Variants in RALGPS1 observed in about 807,000 individuals in gnomAD.
RALGPS1 encodes the protein ras-specific guanine nucleotide-releasing factor RalGPS1.
RALGPS1 carries 19 observed loss-of-function variants against 78.8 expected under a neutral mutation model. That is an observed-to-expected ratio of 0.24 (90% CI 0.17 to 0.35). RALGPS1 has a LOEUF of 0.35. Among genes scored for constraint, RALGPS1 ranks in the 10% least tolerant of loss-of-function variants. RALGPS1 has a pLI of 1.00. For missense variants in RALGPS1, 454 were observed against 688.3 expected, an observed-to-expected ratio of 0.66 and a Z score of 3.81; for synonymous variants, 228 against 256.3, an observed-to-expected ratio of 0.89 and a Z score of 1.06.
At chr9:127,029,799 T>G (rs923598813) in intron 4 of RALGPS1, among the ~76,000 whole-genome samples, 1 of 152,150 alleles carries the variant, frequency 6.6e-6, no homozygotes, top group African/African-American at 2.4e-5. Context: ...CCAGACACGG[T>G]CAGGGTTGGG....
chr9:127,206,862 T>G (rs1264280451), intron 14 of RALGPS1, among the ~76,000 whole-genome samples: 1 of 152,130 alleles, frequency 6.6e-6, no homozygotes, highest in African/African-American at 2.4e-5. Flanking sequence ...TGAATTCTCA[T>G]GATGCTGTTG....
rs1220500574 is a variant in RALGPS1, at chr9:127,223,150, ATG to A, written c.*4385_*4386del. ...ACATCTTTGTTTACTTTGAAATTAA[ATG>A]TGTTTTCCAATGAATGTTGCTCAGT... On this transcript the variant is annotated 3_prime_UTR_variant, in exon 19 of 19. Coordinates refer to ENST00000259351, the MANE Select transcript of RALGPS1 (RefSeq NM_014636.3). 1.3e-5 allele frequency: 2 copies of A among 152,686 alleles called. No individual in the cohort carries two copies. The highest frequency in any genetic ancestry group is 2.1e-4 in the South Asian group (1 of 4,834). 9.5% of individuals were successfully genotyped at this position (152,686 alleles called of 1,614,324 possible). A position where few individuals can be genotyped will look rare whatever the true frequency, so the allele number is the denominator to read the frequency against.
At chr9:127,157,896 T>C (rs996640787) in intron 8 of RALGPS1, among the ~76,000 whole-genome samples, 20 of 152,190 alleles carry the variant, frequency 1.3e-4, no homozygotes, top group African/African-American at 4.3e-4. Flanking sequence ...GATTTGTTCC[T>C]ATTTAATAGG....
chr9:126,915,317 A>T, intron 1 of RALGPS1: 1 of 42,610 alleles, frequency 2.3e-5, no homozygotes, highest in South Asian at 8.5e-4. Flanking sequence ...CCGCGGCTGC[A>T]GGTGCGGGGG....
At chr9:127,184,299 G>A in intron 11 of RALGPS1, 1 of 391,400 alleles carries the variant, frequency 2.6e-6, no homozygotes, top group Non-Finnish European at 4.8e-6. Context: ...CAGCTTGGGT[G>A]ACAGAGCAAG....
chr9:127,209,530 C>A (rs1306337584), intron 14 of RALGPS1, among the ~76,000 whole-genome samples: 1 of 152,190 alleles, frequency 6.6e-6, no homozygotes, highest in Non-Finnish European at 1.5e-5. Context: ...CCTATTACCA[C>A]CCTGACACCC....
intron 5 of RALGPS1, among the ~76,000 whole-genome samples, chr9:127,048,439 C>A (rs549196187): frequency 1.3e-5 from 2 of 152,276 alleles, no homozygotes; most frequent in Admixed American, 6.5e-5. Flanking sequence ...TCTAATACAG[C>A]GATTCCTTAA....
chr9:127,191,998 C>T (rs1359744810), intron 11 of RALGPS1, among the ~76,000 whole-genome samples: 1 of 152,168 alleles, frequency 6.6e-6, no homozygotes, highest in Admixed American at 6.5e-5. Context: ...CGCCCGGCCT[C>T]CACTGGGATT....
intron 7 of RALGPS1, among the ~76,000 whole-genome samples, chr9:127,054,870 C>G (rs2048579795): frequency 6.6e-6 from 1 of 152,072 alleles, no homozygotes; most frequent in Admixed American, 6.6e-5. Context: ...CACAGCTACG[C>G]AGGAGACTGA....
intron 1 of RALGPS1, among the ~76,000 whole-genome samples, chr9:126,958,142 A>AAATAAATATATATATAT (rs113413659): frequency 1.3e-5 from 1 of 77,084 alleles, no homozygotes; most frequent in African/African-American, 4.1e-5. Context: ...AAAAAAAAAA[A>AAATAAATATATATATAT]ATATATATAT....
chr9:127,198,292 A>G (rs956832300), intron 13 of RALGPS1, among the ~76,000 whole-genome samples: 5 of 152,040 alleles, frequency 3.3e-5, no homozygotes, highest in African/African-American at 9.7e-5. Context: ...CCCCTTTCCC[A>G]GTGCTCAGCC....
chr9:127,015,260 T>A (rs1374597727), intron 4 of RALGPS1, among the ~76,000 whole-genome samples: 2 of 152,224 alleles, frequency 1.3e-5, no homozygotes, highest in Non-Finnish European at 2.9e-5. Flanking sequence ...GTCACTTATT[T>A]GTTACATTGA....
intron 4 of RALGPS1, among the ~76,000 whole-genome samples, chr9:126,986,570 T>C (rs756066348): frequency 6.6e-6 from 1 of 152,228 alleles, no homozygotes; most frequent in Non-Finnish European, 1.5e-5. Flanking sequence ...TCTGTCAGTA[T>C]GTCCAGTTCC....
chr9:127,193,042 A>G (rs943068168), intron 11 of RALGPS1, among the ~76,000 whole-genome samples: 2 of 152,212 alleles, frequency 1.3e-5, no homozygotes, highest in Non-Finnish European at 2.9e-5. Flanking sequence ...TTGCTGGGAA[A>G]AGATCCAGTG....
At chr9:126,931,533 A>G (rs1481686051) in intron 1 of RALGPS1, among the ~76,000 whole-genome samples, 1 of 152,220 alleles carries the variant, frequency 6.6e-6, no homozygotes, top group African/African-American at 2.4e-5. Flanking sequence ...CACATACCGT[A>G]TGATTCTGTC....
chr9:126,956,289 C>T (rs1305304554), intron 1 of RALGPS1, among the ~76,000 whole-genome samples: 1 of 152,092 alleles, frequency 6.6e-6, no homozygotes, highest in Non-Finnish European at 1.5e-5. Context: ...GCAGTCTGCT[C>T]CCTGATACAG....
chr9:127,083,221 G>A (rs777441728), intron 8 of RALGPS1, among the ~76,000 whole-genome samples: 36 of 152,320 alleles, frequency 2.4e-4, no homozygotes, highest in Middle Eastern at 3.4e-3. Context: ...GGCACTGCAC[G>A]CCAGCAGCAG....
chr9:127,212,763 G>A lies in RALGPS1; in HGVS notation c.1446+44G>A. The A allele has an allele frequency of 3.2e-6, 5 of 1,553,728 alleles. No individual in the cohort carries two copies. Among genetic ancestry groups the A allele is most frequent in the Non-Finnish European group, 3.5e-6 (4 of 1,130,614 alleles). ...CTCTAGTGCTGGGACTTCCTCTAGT[G>A]GGGAAGGGACCTCTGTGAACTGTGG... On this transcript the variant is annotated intron_variant, in intron 16 of 18. Coordinates refer to ENST00000259351, the MANE Select transcript of RALGPS1 (RefSeq NM_014636.3). This position sits in a 1 kb window ranked among gnomAD's most constrained non-coding sequence, Gnocchi z 6.0.
intron 4 of RALGPS1, among the ~76,000 whole-genome samples, chr9:126,993,808 C>T (rs1428063844): frequency 6.6e-6 from 1 of 152,082 alleles, no homozygotes; most frequent in African/African-American, 2.4e-5. Context: ...CTCACACGAC[C>T]GGGCACTCCT....
Sources: allele counts gnomAD v4.1 joint callset (sites outside exome capture counted in the v4.1 genomes callset), GRCh38; gene constraint gnomAD v4.1.1; non-coding constraint Gnocchi (gnomAD v3.1); transcripts MANE v1.5; gene names NCBI Gene and HGNC (gene_info 2026-07-23, HGNC 2026-07-21).